The following MEMO1 variants were observed in gnomAD, a reference collection of about 807,000 sequenced individuals.
MEMO1 encodes the protein mediator of cell motility 1, also known as protein MEMO1.
MEMO1 carries 6 observed loss-of-function variants against 45.2 expected under a neutral mutation model. The ratio of observed to expected loss-of-function variants is 0.13; its 90% CI spans 0.07 to 0.26. The LOEUF is 0.26. Among genes scored for constraint, MEMO1 ranks in the 10% least tolerant of loss-of-function variants. The pLI is 1.00. For synonymous variants in MEMO1, 78 were observed against 124.3 expected (o/e 0.63, Z 2.48); for missense variants, 184 against 370.5 (o/e 0.50, Z 4.13).
At chr2:31,905,159 G>A (rs1558491752) in intron 6 of MEMO1, among the ~76,000 whole-genome samples, 1 of 152,080 alleles carries the variant, frequency 6.6e-6, no homozygotes. Context: ...GCTTGAGCCT[G>A]GGAGGTGGAG....
At chr2:31,965,412 G>C (rs1041410251) in intron 2 of MEMO1, among the ~76,000 whole-genome samples, 1 of 151,998 alleles carries the variant, frequency 6.6e-6, no homozygotes, top group Admixed American at 6.6e-5. Context: ...GGGTACAGAT[G>C]AAACAAGTCA....
chr2:31,876,145 T>C (rs1674529015), intron 8 of MEMO1, among the ~76,000 whole-genome samples: 1 of 152,216 alleles, frequency 6.6e-6, no homozygotes. Context: ...TCCCTGCCTC[T>C]TTTATACACA....
intron 6 of MEMO1, among the ~76,000 whole-genome samples, chr2:31,914,193 G>C (rs1681066443): frequency 2.6e-5 from 4 of 152,104 alleles, no homozygotes; most frequent in Admixed American, 2.6e-4. Context: ...GCCTCAATTG[G>C]CAGCAGATGA....
At chr2:31,983,552 A>G (rs1371394996) in intron 2 of MEMO1, among the ~76,000 whole-genome samples, 2 of 152,074 alleles carry the variant, frequency 1.3e-5, no homozygotes. Flanking sequence ...CTCCTGCCTC[A>G]GCCTCCTGAG....
At chr2:31,969,577 GTGTGTGTGGGTGTGTGTGTGT>G (rs1370779400) in intron 2 of MEMO1, among the ~76,000 whole-genome samples, 1 of 93,674 alleles carries the variant, frequency 1.1e-5, no homozygotes, top group African/African-American at 4.3e-5. Context: ...TTCTGGGGGT[GTGTGTGTGGGTGTGTGTGTGT>G]GTGTGTGTGT....
intron 2 of MEMO1, among the ~76,000 whole-genome samples, chr2:31,949,732 T>C (rs2148352505): frequency 6.6e-6 from 1 of 151,432 alleles, no homozygotes; most frequent in South Asian, 2.1e-4. Context: ...ACTTAATCGC[T>C]CATTTTAAAA....
At chr2:31,931,155 T>C (rs1400150857) in intron 4 of MEMO1, among the ~76,000 whole-genome samples, 4 of 152,210 alleles carry the variant, frequency 2.6e-5, no homozygotes, top group African/African-American at 9.6e-5. Flanking sequence ...AAAATAATTT[T>C]CAATGAATTA....
intron 8 of MEMO1, 132 bp downstream of exon 8, chr2:31,883,254 T>C (rs1675681552): frequency 4.5e-6 from 3 of 673,154 alleles, no homozygotes; most frequent in African/African-American, 1.9e-5. Flanking sequence ...ATTTATATGA[T>C]GACACATTGC....
chr2:31,878,613 G>C (rs112921987), intron 8 of MEMO1, among the ~76,000 whole-genome samples: 1 of 152,006 alleles, frequency 6.6e-6, no homozygotes, highest in South Asian at 2.1e-4. Flanking sequence ...AATTATGTAC[G>C]GTGTTTGAGC....
intron 2 of MEMO1, among the ~76,000 whole-genome samples, chr2:31,975,683 A>T (rs1390267978): frequency 6.6e-6 from 1 of 152,210 alleles, no homozygotes; most frequent in Non-Finnish European, 1.5e-5. Context: ...GCTGAAAATG[A>T]TGTCCAAATA....
chr2:31,868,785 A>G (rs1040363340), intron 9 of MEMO1, among the ~76,000 whole-genome samples: 4 of 152,168 alleles, frequency 2.6e-5, no homozygotes, highest in Non-Finnish European at 5.9e-5. Flanking sequence ...CTTTTTAAAT[A>G]TATTTCTCTT....
chr2:31,914,206 C>T (rs1681067489), intron 6 of MEMO1, among the ~76,000 whole-genome samples: 1 of 152,130 alleles, frequency 6.6e-6, no homozygotes, highest in Admixed American at 6.5e-5. Flanking sequence ...GCAGATGAAA[C>T]AGAGACAAAT....
intron 3 of MEMO1, among the ~76,000 whole-genome samples, chr2:31,933,427 A>C (rs531069956): frequency 1.4e-5 from 2 of 141,496 alleles, no homozygotes; most frequent in East Asian, 4.3e-4. Context: ...TACAGAAAGG[A>C]AGAATTATAA....
At chr2:31,968,171 C>A (rs1668856810) in intron 2 of MEMO1, among the ~76,000 whole-genome samples, 1 of 152,178 alleles carries the variant, frequency 6.6e-6, no homozygotes, top group East Asian at 1.9e-4. Context: ...CCCAGAAAGA[C>A]TGAAGCAGAA....
chr2:31,900,064 G>A (rs985392910), intron 6 of MEMO1, among the ~76,000 whole-genome samples: 4 of 152,204 alleles, frequency 2.6e-5, no homozygotes, highest in African/African-American at 9.6e-5. Flanking sequence ...AAACAGGAAA[G>A]CTTTTACACT....
intron 2 of MEMO1, among the ~76,000 whole-genome samples, chr2:32,008,290 A>C (rs1216342746): frequency 6.6e-6 from 1 of 152,264 alleles, no homozygotes; most frequent in African/African-American, 2.4e-5. Context: ...GAAAGTTTAA[A>C]ACATTGAACT....
chr2:31,958,430 G>C (rs1345363852), intron 2 of MEMO1, among the ~76,000 whole-genome samples: 3 of 151,880 alleles, frequency 2.0e-5, no homozygotes, highest in Non-Finnish European at 4.4e-5. Flanking sequence ...GAAAAGGTCA[G>C]AGCCTCAGTC....
chr2:31,963,096 C>T (rs1332451656), intron 2 of MEMO1: 1 of 1,405,150 alleles, frequency 7.1e-7, no homozygotes, highest in African/African-American at 1.4e-5. Context: ...TTGAGTCAAC[C>T]AACCCATCCT....
intron 2 of MEMO1, among the ~76,000 whole-genome samples, chr2:31,990,664 C>T (rs1671840762): frequency 1.3e-5 from 2 of 150,940 alleles, no homozygotes; most frequent in South Asian, 4.2e-4. Flanking sequence ...CCACTCAGCT[C>T]CCAAAGTGCT....
Sources: gnomAD v4.1 joint callset for allele counts (sites outside exome capture counted in the v4.1 genomes callset) on GRCh38, gnomAD v4.1.1 for gene constraint, MANE v1.5 for transcripts, NCBI Gene and HGNC (gene_info 2026-07-23, HGNC 2026-07-21) for gene names.